Variants in WAC observed in about 807,000 individuals in gnomAD.
WAC encodes the protein WW domain containing adaptor with coiled-coil.
WAC carries 11 observed loss-of-function variants against 79.6 expected under a neutral mutation model. The observed-to-expected ratio is 0.14, with a 90% confidence interval of 0.09 to 0.23. The LOEUF (loss-of-function observed/expected upper bound fraction) is 0.23, where lower values mean the gene tolerates loss of function less well. Among genes scored for constraint, WAC ranks in the 10% least tolerant of loss-of-function variants. The pLI is 1.00. For synonymous variants in WAC, 304 were observed against 276.9 expected (o/e 1.10, Z -0.97); for missense variants, 728 against 773.5 (o/e 0.94, Z 0.70).
rs1053319144 is a variant in WAC at position 28,573,918 on chromosome 10, G to T, written c.275-9481G>T. Among the ~76,000 whole-genome samples, 5 of 151,410 alleles carry T rather than the reference G, an allele frequency of 3.3e-5. 1 individual carries two copies. The highest frequency in any genetic ancestry group is 6.8e-3 in the Middle Eastern group (2 of 292). On this transcript the variant is annotated intron_variant, in intron 3 of 13. Coordinates refer to ENST00000354911, the MANE Select transcript of WAC (RefSeq NM_016628.5). ...ATTACTGCATTTTCTGTCTCGACAG[G>T]TTTGTCTATTCTTAATGTTTTGAAT...
chr10:28,603,991 A>ATATATATATATATATATATATATGTG (rs1840796367), intron 7 of WAC, among the ~76,000 whole-genome samples: 5 of 130,006 alleles, frequency 3.8e-5, no homozygotes, highest in Admixed American at 7.8e-5. Context: ...ATATATATGT[A>ATATATATATATATATATATATATGTG]TATATATATA....
intron 3 of WAC, among the ~76,000 whole-genome samples, chr10:28,539,293 G>T (rs1836870775): frequency 6.6e-6 from 1 of 152,186 alleles, no homozygotes; most frequent in Admixed American, 6.5e-5. Flanking sequence ...ATCAGGGATT[G>T]TGAAGGTTTT....
At chr10:28,619,151 T>C (rs749987514) in intron 13 of WAC, among the ~76,000 whole-genome samples, 1 of 152,058 alleles carries the variant, frequency 6.6e-6, no homozygotes, top group Non-Finnish European at 1.5e-5. Flanking sequence ...TAAGGACAGG[T>C]GCCTGTAATC....
At chr10:28,608,900 G>A (rs1841089325) in intron 8 of WAC, among the ~76,000 whole-genome samples, 1 of 152,150 alleles carries the variant, frequency 6.6e-6, no homozygotes, top group Non-Finnish European at 1.5e-5. Flanking sequence ...TGAGAAGGGA[G>A]GAGATAGGTA....
At chr10:28,590,683 G>A in intron 5 of WAC, 37 bp from the exon 6 acceptor site, 1 of 1,517,940 alleles carries the variant, frequency 6.6e-7, no homozygotes, top group Non-Finnish European at 8.9e-7. Context: ...TGCCCTTAAT[G>A]TAATTTTTAT....
chr10:28,603,961 GTATATATATA>G (rs71391054), intron 7 of WAC, among the ~76,000 whole-genome samples: 2 of 20,906 alleles, frequency 9.6e-5, no homozygotes, highest in Non-Finnish European at 1.4e-4. Context: ...ATGTATGTAT[GTATATATATA>G]TATATATATA....
At chr10:28,542,681 T>C (rs1163027055) in intron 3 of WAC, among the ~76,000 whole-genome samples, 1 of 152,230 alleles carries the variant, frequency 6.6e-6, no homozygotes, top group Non-Finnish European at 1.5e-5. Flanking sequence ...TGGACCTGAC[T>C]CATAATTCAT....
intron 3 of WAC, among the ~76,000 whole-genome samples, chr10:28,541,436 T>G (rs544039477): frequency 2.4e-4 from 35 of 143,376 alleles, no homozygotes; most frequent in African/African-American, 7.4e-4. Context: ...TTTTTTTTTT[T>G]TTTTTTTTTT....
chr10:28,611,658 T>C lies in WAC; in HGVS notation c.1289-116T>C, dbSNP rs530397691. On this transcript the variant is annotated intron_variant, in intron 9 of 13. Transcript: ENST00000354911. Reference sequence around the variant, plus strand: ...TCCAATAAGTGTTCTCTGGGTAATATGGGGGTGGGGGGGTTTAGAGTAATA... The same window carrying C: ...TCCAATAAGTGTTCTCTGGGTAATACGGGGGTGGGGGGGTTTAGAGTAATA... 2.6e-3 allele frequency: 3,474 copies of C among 1,328,878 alleles called. 19 individuals carry two copies. The highest frequency in any genetic ancestry group is 2.2e-3 in the Non-Finnish European group (2,199 of 980,250). 82.3% of individuals were successfully genotyped at this position (1,328,878 alleles called of 1,614,324 possible). A position where few individuals can be genotyped will look rare whatever the true frequency, so the allele number is the denominator to read the frequency against.
At chr10:28,543,727 T>C (rs1228994330) in intron 3 of WAC, among the ~76,000 whole-genome samples, 1 of 152,224 alleles carries the variant, frequency 6.6e-6, no homozygotes, top group Admixed American at 6.5e-5. Flanking sequence ...GTAGAAAAAT[T>C]AGGAAATGCA....
At chr10:28,591,492 T>G (rs900562508) in intron 6 of WAC, 1 of 152,254 alleles carries the variant, frequency 6.6e-6, no homozygotes, top group African/African-American at 2.4e-5. Context: ...TAACATACAT[T>G]TATTTTGTAA....
At chr10:28,577,713 G>C (rs1224499021) in intron 3 of WAC, among the ~76,000 whole-genome samples, 2 of 152,136 alleles carry the variant, frequency 1.3e-5, no homozygotes, top group Admixed American at 6.5e-5. Flanking sequence ...AGTGAAGAGG[G>C]TATGATCATC....
chr10:28,590,054 C>G (rs1840008017), intron 5 of WAC, among the ~76,000 whole-genome samples: 1 of 152,130 alleles, frequency 6.6e-6, no homozygotes. Flanking sequence ...GGTGCAGTGG[C>G]TCATGCCTGT....
At chr10:28,610,985 G>C (rs1841213460) in intron 9 of WAC, 164 bp downstream of exon 9, 3 of 723,948 alleles carry the variant, frequency 4.1e-6, no homozygotes, top group African/African-American at 1.8e-5. Flanking sequence ...ATATACAGTA[G>C]TATTTTTATT....
At chr10:28,572,436 T>G (rs1315992503) in intron 3 of WAC, among the ~76,000 whole-genome samples, 1 of 151,680 alleles carries the variant, frequency 6.6e-6, no homozygotes, top group Non-Finnish European at 1.5e-5. Flanking sequence ...GGATGTGACA[T>G]TTAAGCTGAG....
At chr10:28,607,558 A>G (rs561754881) in intron 7 of WAC, among the ~76,000 whole-genome samples, 38 of 152,190 alleles carry the variant, frequency 2.5e-4, no homozygotes, top group Non-Finnish European at 4.7e-4. Flanking sequence ...GTCCTTTTTA[A>G]TAATCTTAAA....
At chr10:28,556,778 C>T (rs541942832) in intron 3 of WAC, among the ~76,000 whole-genome samples, 1 of 152,100 alleles carries the variant, frequency 6.6e-6, no homozygotes, top group African/African-American at 2.4e-5. Context: ...CTTCTGCGTG[C>T]GGCTATCCAG....
chr10:28,590,334 A>T (rs1201543882), intron 5 of WAC, among the ~76,000 whole-genome samples: 2 of 137,676 alleles, frequency 1.5e-5, no homozygotes, highest in Non-Finnish European at 3.1e-5. Context: ...AAAAAAAAAA[A>T]ATCTAGGATA....
intron 8 of WAC, among the ~76,000 whole-genome samples, chr10:28,610,067 G>T: frequency 6.6e-6 from 1 of 151,464 alleles, no homozygotes; most frequent in Middle Eastern, 3.2e-3. Context: ...TAGTAGCTGG[G>T]ATTACAGGCA....
Sources: allele counts gnomAD v4.1 joint callset (sites outside exome capture counted in the v4.1 genomes callset), GRCh38; gene constraint gnomAD v4.1.1; transcripts MANE v1.5; gene names NCBI Gene and HGNC (gene_info 2026-07-23, HGNC 2026-07-21).